RASAL2: variants seen among roughly 807,000 people sequenced by gnomAD.
The protein encoded by RASAL2 is ras GTPase-activating protein nGAP.
A neutral mutation model predicts 128.9 loss-of-function variants in RASAL2; 58 were observed. The ratio of observed to expected loss-of-function variants is 0.45; its 90% CI spans 0.36 to 0.56. The LOEUF (loss-of-function observed/expected upper bound fraction) is 0.56. RASAL2 is among the 20% of genes least tolerant of loss of function. The probability of loss-of-function intolerance (pLI) is 0.00; values close to 1 mark genes in which losing one functional copy is unlikely to be tolerated. For synonymous variants in RASAL2, 561 were observed against 580.8 expected (o/e 0.97, Z 0.49); for missense variants, 1,360 against 1,601.6 (o/e 0.85, Z 2.57).
chr1:178,458,850 A>T (rs906811777), intron 14 of RASAL2, among the ~76,000 whole-genome samples: 1 of 152,178 alleles, frequency 6.6e-6, no homozygotes, highest in Admixed American at 6.5e-5. Flanking sequence ...GAATAATTAG[A>T]TACTTAAAAT....
chr1:178,406,336 G>C (rs547170167), intron 4 of RASAL2, among the ~76,000 whole-genome samples: 99 of 152,262 alleles, frequency 6.5e-4, no homozygotes, highest in African/African-American at 2.3e-3. Context: ...ACTACATACT[G>C]CATAAATCCA....
rs1039586849 is a variant in RASAL2, at chr1:178,331,622, T to C, written c.457+31504T>C. 1.2e-4 allele frequency among the ~76,000 whole-genome samples: 17 copies of C among 136,640 alleles called. No individual in the cohort carries two copies. In the East Asian group the frequency reaches 2.4e-3, roughly 19 times the overall value. The allele number at this position is 136,640 out of a possible 152,430, so 89.6% of individuals were successfully genotyped here. A position where few individuals can be genotyped will look rare whatever the true frequency, so the allele number is the denominator to read the frequency against. On this transcript the variant is annotated intron_variant, in intron 3 of 17. Coordinates refer to ENST00000367649, the MANE Select transcript of RASAL2 (RefSeq NM_170692.4). ...TTTTTTTTGAGACAGATTCTCGCACTGTCATCCAGGCTGGCATGCAGTGGC... is the reference window on the plus strand; with the variant it reads ...TTTTTTTTGAGACAGATTCTCGCACCGTCATCCAGGCTGGCATGCAGTGGC...
intron 1 of RASAL2, among the ~76,000 whole-genome samples, chr1:178,280,229 G>A (rs765175358): frequency 3.9e-5 from 6 of 151,976 alleles, no homozygotes; most frequent in Non-Finnish European, 7.4e-5. Context: ...GATTTTCTTT[G>A]TGTATATCAA....
At chr1:178,319,514 A>G (rs987469324) in intron 3 of RASAL2, among the ~76,000 whole-genome samples, 54 of 149,230 alleles carry the variant, frequency 3.6e-4, no homozygotes, top group African/African-American at 1.2e-3. Flanking sequence ...TTTTTCTCTA[A>G]ACTTCCCTTC....
chr1:178,341,437 T>C lies in RASAL2; in HGVS notation c.457+41319T>C, dbSNP rs892332983. The C allele has an allele frequency of 2.9e-4, 429 of 1,457,690 alleles. 3 individuals carry two copies. The highest frequency in any genetic ancestry group is 4.3e-4 in the Admixed American group (17 of 39,568). 90.3% of individuals were successfully genotyped at this position (1,457,690 alleles called of 1,614,324 possible). A position where few individuals can be genotyped will look rare whatever the true frequency, so the allele number is the denominator to read the frequency against. On this transcript the variant is annotated intron_variant, in intron 3 of 17. Transcript: ENST00000367649. ...AGGATTGAGTTTAACTGGCATTGGC[T>C]CTGGCTTTTCTGCATTCCAAACTGT...
chr1:178,154,926 C>T (rs7544327), intron 1 of RASAL2, among the ~76,000 whole-genome samples: 3,329 of 152,206 alleles, frequency 0.022, 97 homozygotes, highest in African/African-American at 0.069. Context: ...CGGGTTCAGG[C>T]GATTCTCCTG....
intron 3 of RASAL2, among the ~76,000 whole-genome samples, chr1:178,353,930 C>T (rs1358335264): frequency 6.6e-6 from 1 of 151,820 alleles, no homozygotes; most frequent in Non-Finnish European, 1.5e-5. Context: ...AAGATTGTGC[C>T]ACTGCACTCC....
intron 1 of RASAL2, among the ~76,000 whole-genome samples, chr1:178,155,999 G>A (rs1055929316): frequency 2.0e-5 from 3 of 152,178 alleles, no homozygotes; most frequent in Non-Finnish European, 4.4e-5. Context: ...TTCTTGCCTT[G>A]TTTAATGATT....
chr1:178,409,558 A>G (rs1456949205), intron 4 of RASAL2, among the ~76,000 whole-genome samples: 1 of 152,196 alleles, frequency 6.6e-6, no homozygotes, highest in African/African-American at 2.4e-5. Context: ...AAGTTAGTGG[A>G]GGATAAAGTA....
intron 3 of RASAL2, among the ~76,000 whole-genome samples, chr1:178,323,590 A>C (rs116607223): frequency 3.6e-4 from 55 of 152,230 alleles, no homozygotes; most frequent in African/African-American, 1.1e-3. Context: ...CACAGTATCA[A>C]GTGTACTTGG....
chr1:178,106,359 A>C (rs1399001289), intron 1 of RASAL2, among the ~76,000 whole-genome samples: 1 of 152,108 alleles, frequency 6.6e-6, no homozygotes, highest in Admixed American at 6.5e-5. Flanking sequence ...CTTAGGCTTG[A>C]CTGTGTACAA....
intron 14 of RASAL2, among the ~76,000 whole-genome samples, chr1:178,462,076 G>A (rs1368129867): frequency 1.3e-5 from 2 of 152,094 alleles, no homozygotes; most frequent in East Asian, 1.9e-4. Context: ...TGATGATCAT[G>A]TTGAAAGTCA....
intron 1 of RASAL2, among the ~76,000 whole-genome samples, chr1:178,164,834 T>C (rs1661466267): frequency 6.7e-6 from 1 of 148,528 alleles, no homozygotes; most frequent in Non-Finnish European, 1.5e-5. Context: ...TGTGTGTGTG[T>C]GTGTGTGTGT....
chr1:178,420,017 T>G (rs1459449328), intron 4 of RASAL2, among the ~76,000 whole-genome samples: 1 of 152,214 alleles, frequency 6.6e-6, no homozygotes, highest in African/African-American at 2.4e-5. Context: ...AGAACAAAGC[T>G]TTTTCTCTTC....
chr1:178,461,556 C>T (rs1232045062), intron 14 of RASAL2, among the ~76,000 whole-genome samples: 4 of 152,132 alleles, frequency 2.6e-5, no homozygotes, highest in East Asian at 1.9e-4. Context: ...TCATCTACTT[C>T]GTACAAACAG....
intron 3 of RASAL2, among the ~76,000 whole-genome samples, chr1:178,340,612 G>GAA (rs1472887032): frequency 2.0e-5 from 3 of 152,096 alleles, no homozygotes; most frequent in African/African-American, 7.2e-5. Flanking sequence ...TTTAAAAAAT[G>GAA]AAGTTCTCAG....
chr1:178,145,741 T>G (rs1660712385), intron 1 of RASAL2, among the ~76,000 whole-genome samples: 1 of 152,222 alleles, frequency 6.6e-6, no homozygotes, highest in South Asian at 2.1e-4. Flanking sequence ...CCAGTTGACT[T>G]TATGGACAAC....
chr1:178,261,743 C>T lies in RASAL2; in HGVS notation c.203-21821C>T, dbSNP rs564370437. ...CAGCCTGGCCAAGATGGTGAAACCC[C>T]GTCTCTACTAAAAATACAAAAAAAG... On this transcript the variant is annotated intron_variant, in intron 1 of 17. Transcript: ENST00000367649. Among the ~76,000 whole-genome samples, 27 of 150,892 alleles carry T rather than the reference C, an allele frequency of 1.8e-4. No individual in the cohort carries two copies. The South Asian group carries it at 2.5e-3, about 14-fold the overall frequency.
At chr1:178,122,007 T>C (rs1409260310) in intron 1 of RASAL2, among the ~76,000 whole-genome samples, 1 of 152,182 alleles carries the variant, frequency 6.6e-6, no homozygotes, top group Non-Finnish European at 1.5e-5. Context: ...GGAGGCTCTT[T>C]AAGAGCTCAG....
Sources: allele counts gnomAD v4.1 joint callset (sites outside exome capture counted in the v4.1 genomes callset), GRCh38; gene constraint gnomAD v4.1.1; transcripts MANE v1.5; gene names NCBI Gene and HGNC (gene_info 2026-07-23, HGNC 2026-07-21).